Variants in DOCK5 observed in about 807,000 individuals in gnomAD.
DOCK5 encodes dedicator of cytokinesis protein 5.
DOCK5 carries 142 observed loss-of-function variants against 251.8 expected under a neutral mutation model. The observed-to-expected ratio is 0.56, with a 90% CI of 0.49 to 0.65. DOCK5 has a LOEUF of 0.65. DOCK5 is among the 30% of genes least tolerant of loss of function. DOCK5 has a pLI of 0.00. For synonymous variants in DOCK5, 842 were observed against 835.5 expected (o/e 1.01, Z -0.13); for missense variants, 2,111 against 2,312.3 (o/e 0.91, Z 1.79).
intron 28 of DOCK5, among the ~76,000 whole-genome samples, chr8:25,361,057 C>G (rs964795124): frequency 1.3e-5 from 2 of 152,144 alleles, no homozygotes; most frequent in African/African-American, 2.4e-5. Context: ...TCCCAGTGGC[C>G]TTTCAGTCCC....
At chr8:25,366,363 T>C (rs961856174) in intron 30 of DOCK5, among the ~76,000 whole-genome samples, 39 of 152,100 alleles carry the variant, frequency 2.6e-4, no homozygotes, top group African/African-American at 8.2e-4. Flanking sequence ...TGGTAGTGGG[T>C]GCCTGTAATC....
rs570068189 is a variant in DOCK5 at position 25,380,470 on chromosome 8, T to C, written c.4026+76T>C. The C allele has an allele frequency of 4.7e-5, 60 of 1,282,564 alleles. No individual in the cohort carries two copies. In the African/African-American group the frequency reaches 8.4e-4, roughly 18 times the overall value. 79.4% of individuals were successfully genotyped at this position (1,282,564 alleles called of 1,614,324 possible). A position where few individuals can be genotyped will look rare whatever the true frequency, so the allele number is the denominator to read the frequency against. On this transcript the variant is annotated intron_variant, in intron 39 of 51. Transcript: ENST00000276440. ...GCACTCATGAAAATGTTTCCGTAAG[T>C]TGAAAGTCAGGATGAATGGTGTTTT...
chr8:25,342,372 C>T, intron 24 of DOCK5, 29 bp from the exon 25 acceptor site: 2 of 1,533,058 alleles, frequency 1.3e-6, no homozygotes, highest in Non-Finnish European at 1.8e-6. Context: ...AGAACGAAGA[C>T]ACTACTAACC....
At chr8:25,410,413 C>T (rs1477308587) in intron 51 of DOCK5, among the ~76,000 whole-genome samples, 4 of 151,818 alleles carry the variant, frequency 2.6e-5, no homozygotes, top group African/African-American at 7.3e-5. Flanking sequence ...GGCAGGTGTT[C>T]TCTGTACCTC....
chr8:25,407,816 A>G (rs1040521946), intron 48 of DOCK5, among the ~76,000 whole-genome samples, 167 bp from the exon 49 acceptor site: 1 of 148,812 alleles, frequency 6.7e-6, no homozygotes, highest in Non-Finnish European at 1.5e-5. Flanking sequence ...GTGAGATGTG[A>G]TCGCACCACT....
chr8:25,230,953 A>T (rs1475001777), intron 1 of DOCK5, among the ~76,000 whole-genome samples: 1 of 152,164 alleles, frequency 6.6e-6, no homozygotes, highest in Non-Finnish European at 1.5e-5. Flanking sequence ...AATTGCAAAC[A>T]ACATGATTCT....
chr8:25,380,190 G>T (rs766259066), intron 38 of DOCK5, 115 bp from the exon 39 acceptor site: 1 of 844,970 alleles, frequency 1.2e-6, no homozygotes, highest in Non-Finnish European at 1.9e-6. Context: ...AATATCTACC[G>T]AAACTCAATC....
chr8:25,186,180 A>G (rs1303417197), intron 1 of DOCK5, among the ~76,000 whole-genome samples: 2 of 151,694 alleles, frequency 1.3e-5, no homozygotes. Context: ...ACAGTCTCAT[A>G]TTTACTATAT....
chr8:25,295,261 A>G (rs1464785704), intron 6 of DOCK5, among the ~76,000 whole-genome samples: 2 of 151,942 alleles, frequency 1.3e-5, no homozygotes, highest in Non-Finnish European at 2.9e-5. Flanking sequence ...CAACATAGCA[A>G]GACCCCATCT....
rs529701597 is a variant in DOCK5 at position 25,399,604 on chromosome 8, A to C, written c.4705-307A>C. Among the ~76,000 whole-genome samples the C allele has an allele frequency of 2.0e-5, 3 of 152,240 alleles. No individual in the cohort carries two copies. The East Asian group carries it at 5.8e-4, about 29-fold the overall frequency. On this transcript the variant is annotated intron_variant, in intron 45 of 51. Transcript: ENST00000276440. The stretch of plus-strand genomic sequence containing the variant: ...TTTCGCCTTTGCTTTGTTCTTTGGG[A>C]AAGTTATTTTAACGAATGACGTTTT...
intron 41 of DOCK5, among the ~76,000 whole-genome samples, chr8:25,389,880 G>C (rs921562078): frequency 6.6e-6 from 1 of 151,902 alleles, no homozygotes; most frequent in African/African-American, 2.4e-5. Context: ...TCAGAGGGAT[G>C]CTTGTCCCAA....
chr8:25,274,842 T>G (rs1319296709), intron 3 of DOCK5, among the ~76,000 whole-genome samples: 1 of 152,120 alleles, frequency 6.6e-6, no homozygotes, highest in Non-Finnish European at 1.5e-5. Flanking sequence ...AATTACAATA[T>G]TCTTGGGACA....
chr8:25,192,226 A>C (rs1021780938), intron 1 of DOCK5, among the ~76,000 whole-genome samples: 1 of 152,130 alleles, frequency 6.6e-6, no homozygotes, highest in Non-Finnish European at 1.5e-5. Context: ...TGCCACAATA[A>C]ACATACATGT....
intron 1 of DOCK5, among the ~76,000 whole-genome samples, chr8:25,213,982 A>G (rs1460307796): frequency 6.6e-6 from 1 of 152,126 alleles, no homozygotes; most frequent in African/African-American, 2.4e-5. Flanking sequence ...CATCTTGGGG[A>G]TGGGACCCAA....
rs1349937213 is a variant in DOCK5 at position 25,338,565 on chromosome 8, C to T, written c.2327+2192C>T. On this transcript the variant is annotated intron_variant, in intron 22 of 51. Coordinates refer to ENST00000276440, the MANE Select transcript of DOCK5 (RefSeq NM_024940.8). ...CTGGCTGAATGACTGTCCCTCCTTTCCAGGTGGAAGTGGGCAGTGTTTTCC... is the reference window on the plus strand; with the variant it reads ...CTGGCTGAATGACTGTCCCTCCTTTTCAGGTGGAAGTGGGCAGTGTTTTCC... Among the ~76,000 whole-genome samples, 4 of 152,096 alleles carry T rather than the reference C, an allele frequency of 2.6e-5. 1 individual carries two copies. Among genetic ancestry groups the T allele is most frequent in the African/African-American group, 9.7e-5 (4 of 41,408 alleles).
At chr8:25,343,050 G>C (rs1800276291) in intron 25 of DOCK5, among the ~76,000 whole-genome samples, 1 of 151,916 alleles carries the variant, frequency 6.6e-6, no homozygotes, top group Admixed American at 6.6e-5. Context: ...CTAGGCTGGA[G>C]TTCTGTGGCA....
In DOCK5 at chr8:25,412,564, A is replaced by G. The variant is rs1330844814; in HGVS notation, c.*1266A>G. On this transcript the variant is annotated 3_prime_UTR_variant, in exon 52 of 52. Coordinates refer to ENST00000276440, the MANE Select transcript of DOCK5 (RefSeq NM_024940.8). ...AGACAACTCTGACAGACTCTTTAAT[A>G]TTTACCCCTGGTTGGAACAATATTT... 1 of 152,152 alleles carries G rather than the reference A, an allele frequency of 6.6e-6. No homozygotes were observed. The highest frequency in any genetic ancestry group is 2.4e-5 in the African/African-American group (1 of 41,422). The allele number at this position is 152,152 out of a possible 1,614,324, so 9.4% of individuals were successfully genotyped here.
intron 9 of DOCK5, 126 bp from the exon 10 acceptor site, chr8:25,302,199 T>G: frequency 5.3e-6 from 7 of 1,318,600 alleles, no homozygotes; most frequent in Non-Finnish European, 9.9e-7. Flanking sequence ...AGAGAGTCGT[T>G]CTAATACTTC....
chr8:25,267,769 T>C (rs1803801000), intron 2 of DOCK5, among the ~76,000 whole-genome samples: 1 of 152,124 alleles, frequency 6.6e-6, no homozygotes, highest in African/African-American at 2.4e-5. Context: ...CAGCAAATAG[T>C]TAATATAAAA....
Sources: allele counts gnomAD v4.1 joint callset (sites outside exome capture counted in the v4.1 genomes callset), GRCh38; gene constraint gnomAD v4.1.1; transcripts MANE v1.5; gene names NCBI Gene and HGNC (gene_info 2026-07-23, HGNC 2026-07-21).